Variants in NLGN1 observed in about 807,000 individuals in gnomAD.
NLGN1 encodes neuroligin-1.
NLGN1 carries 12 observed loss-of-function variants against 65.5 expected under a neutral mutation model. The ratio of observed to expected loss-of-function variants is 0.18; its 90% CI spans 0.12 to 0.30. The LOEUF (loss-of-function observed/expected upper bound fraction) is 0.30, where lower values mean the gene tolerates loss of function less well. NLGN1 is among the 10% of genes least tolerant of loss of function. NLGN1 has a pLI of 1.00. For synonymous variants in NLGN1, 350 were observed against 359.5 expected, an observed-to-expected ratio of 0.97 and a Z score of 0.30; for missense variants, 750 against 1,007.1, an observed-to-expected ratio of 0.74 and a Z score of 3.46.
At chr3:174,162,948 G>A (rs972361693) in intron 4 of NLGN1, among the ~76,000 whole-genome samples, 6 of 151,778 alleles carry the variant, frequency 4.0e-5, no homozygotes, top group African/African-American at 1.5e-4. Context: ...TACAGCCTTT[G>A]TACACAGCCA....
At chr3:173,636,137 G>T (rs1012506024) in intron 3 of NLGN1, among the ~76,000 whole-genome samples, 9 of 152,178 alleles carry the variant, frequency 5.9e-5, no homozygotes, top group Non-Finnish European at 1.2e-4. Flanking sequence ...TTATCAACTT[G>T]TTGTTTAGTA....
intron 4 of NLGN1, chr3:174,057,658 GGCTGCCA>G (rs903908446): frequency 1.3e-5 from 2 of 152,044 alleles, no homozygotes; most frequent in African/African-American, 4.8e-5. Flanking sequence ...AGGGCGATCT[GGCTGCCA>G]CATCTGTCAC....
chr3:174,228,483 T>C (rs968054973), intron 4 of NLGN1, among the ~76,000 whole-genome samples: 2 of 152,130 alleles, frequency 1.3e-5, no homozygotes, highest in Non-Finnish European at 2.9e-5. Flanking sequence ...GAAACAAAAC[T>C]ACAGACATCA....
intron 2 of NLGN1, among the ~76,000 whole-genome samples, chr3:173,451,785 G>A (rs929838921): frequency 1.3e-5 from 2 of 152,172 alleles, no homozygotes; most frequent in Non-Finnish European, 2.9e-5. Flanking sequence ...CAGCCTCGCT[G>A]CCACCTTGCA....
At chr3:173,866,888 G>A (rs551332913) in intron 4 of NLGN1, among the ~76,000 whole-genome samples, 1 of 152,096 alleles carries the variant, frequency 6.6e-6, no homozygotes, top group Non-Finnish European at 1.5e-5. Context: ...CAAAGATAAA[G>A]ATGTTTCTAA....
intron 2 of NLGN1, among the ~76,000 whole-genome samples, chr3:173,563,812 G>A (rs1208710329): frequency 6.6e-6 from 1 of 152,044 alleles, no homozygotes; most frequent in African/African-American, 2.4e-5. Flanking sequence ...CTTCCATTTG[G>A]ATTTCTGCAA....
At chr3:174,128,729 C>T (rs907517234) in intron 4 of NLGN1, among the ~76,000 whole-genome samples, 1 of 152,074 alleles carries the variant, frequency 6.6e-6, no homozygotes, top group African/African-American at 2.4e-5. Flanking sequence ...TTTCAGTGGG[C>T]TTCATAAAGG....
chr3:174,106,367 C>G (rs965205814), intron 4 of NLGN1, among the ~76,000 whole-genome samples: 6 of 152,028 alleles, frequency 3.9e-5, no homozygotes, highest in African/African-American at 1.2e-4. Flanking sequence ...GATCTTTTCT[C>G]TCAATATTTT....
At chr3:174,200,458 A>G (rs1157013920) in intron 4 of NLGN1, among the ~76,000 whole-genome samples, 4 of 152,142 alleles carry the variant, frequency 2.6e-5, no homozygotes, top group African/African-American at 9.7e-5. Context: ...CTAAGTTCTT[A>G]CTGTGCATGA....
chr3:173,486,929 A>G (rs1217542708), intron 2 of NLGN1, among the ~76,000 whole-genome samples: 2 of 151,534 alleles, frequency 1.3e-5, no homozygotes, highest in African/African-American at 4.9e-5. Flanking sequence ...ATTTTCTGAT[A>G]TATGCATTTA....
intron 4 of NLGN1, among the ~76,000 whole-genome samples, chr3:173,972,461 G>A (rs1025769316): frequency 1.3e-5 from 2 of 152,142 alleles, no homozygotes; most frequent in Non-Finnish European, 2.9e-5. Flanking sequence ...CACTTATTTG[G>A]CATTCTGGCA....
At chr3:173,854,524 C>T (rs941398126) in intron 4 of NLGN1, among the ~76,000 whole-genome samples, 5 of 152,002 alleles carry the variant, frequency 3.3e-5, no homozygotes, top group African/African-American at 1.2e-4. Flanking sequence ...ACTAACTTCT[C>T]TTCTTATCTA....
At chr3:173,762,965 T>TACACACACAC (rs111427276) in intron 3 of NLGN1, among the ~76,000 whole-genome samples, 9,379 of 143,260 alleles carry the variant, frequency 0.065, 508 homozygotes, top group East Asian at 0.17. Context: ...TTGTCTCTGA[T>TACACACACAC]ACACACACAC....
intron 2 of NLGN1, among the ~76,000 whole-genome samples, chr3:173,489,396 C>T (rs1258625838): frequency 5.3e-5 from 8 of 152,084 alleles, no homozygotes. Flanking sequence ...CATCTATGTC[C>T]CTACAAAGGC....
At chr3:173,822,160 A>G (rs1385821571) in intron 4 of NLGN1, among the ~76,000 whole-genome samples, 1 of 152,180 alleles carries the variant, frequency 6.6e-6, no homozygotes, top group Admixed American at 6.5e-5. Context: ...ACAGAATTCT[A>G]TGATAAAAAT....
intron 4 of NLGN1, among the ~76,000 whole-genome samples, chr3:174,016,781 G>A (rs2152452039): frequency 6.6e-6 from 1 of 152,232 alleles, no homozygotes; most frequent in East Asian, 1.9e-4. Flanking sequence ...AAGAGAGGGG[G>A]AAATACCTGA....
Position 173,558,125 on chromosome 3 carries a change from T to TA in NLGN1, c.-320-46151dup, listed in dbSNP as rs199802693. 9.4e-3 allele frequency among the ~76,000 whole-genome samples: 1,429 copies of TA among 152,126 alleles called. 27 individuals carry two copies. Among genetic ancestry groups the TA allele is most frequent in the African/African-American group, 0.033 (1,350 of 41,464 alleles). ...ATATCAGATGTTATCTTCTCCACCT[T>TA]AAAGATACAGTTGCATTGTCTTCTT... On this transcript the variant is annotated intron_variant, in intron 2 of 6. Coordinates refer to ENST00000457714, the Ensembl canonical transcript of NLGN1.
intron 4 of NLGN1, among the ~76,000 whole-genome samples, chr3:174,194,215 T>C (rs1732932768): frequency 6.6e-6 from 1 of 152,038 alleles, no homozygotes. Context: ...TCCCAGCACT[T>C]TGGGAGGCTG....
intron 4 of NLGN1, among the ~76,000 whole-genome samples, chr3:174,058,381 T>G (rs1440674882): frequency 1.3e-5 from 2 of 152,126 alleles, no homozygotes; most frequent in African/African-American, 4.8e-5. Context: ...TAAAAGCATC[T>G]GAATTGGACA....
Sources: allele counts gnomAD v4.1 joint callset (sites outside exome capture counted in the v4.1 genomes callset), GRCh38; gene constraint gnomAD v4.1.1; transcripts MANE v1.5; gene names NCBI Gene and HGNC (gene_info 2026-07-23, HGNC 2026-07-21).